Variants in RPS6 observed in about 807,000 individuals in gnomAD.
The protein encoded by RPS6 is small ribosomal subunit protein eS6.
A neutral mutation model predicts 27.1 loss-of-function variants in RPS6; 1 was observed. That is an observed-to-expected ratio of 0.04 (90% CI 0.01 to 0.18). RPS6 has a LOEUF of 0.18. Among genes scored for constraint, RPS6 ranks in the 10% least tolerant of loss-of-function variants. RPS6 has a pLI of 1.00. For missense variants in RPS6, 259 were observed against 319.1 expected (o/e 0.81, Z 1.44); for synonymous variants, 152 against 106.0 (o/e 1.43, Z -2.66).
chr9:19,379,400 G>C (rs762832684), intron 2 of RPS6, 87 bp downstream of exon 2: 5 of 1,577,018 alleles, frequency 3.2e-6, no homozygotes, highest in Admixed American at 3.7e-5. Context: ...GCCAGAACCC[G>C]GAGTCTGAAC....
Position 19,380,196 on chromosome 9 carries a change from C to A in RPS6, c.-1G>T. The A allele has an allele frequency of 6.2e-7, 1 of 1,614,168 alleles. No individual in the cohort carries two copies. The stretch of plus-strand genomic sequence containing the variant: ...ACTCGCCACCATCACCTACCTTCAT[C>A]TTGAAGCAGCTGAACGCCTCCGAGG... On this transcript the variant is annotated 5_prime_UTR_variant, in exon 1 of 6. Coordinates refer to ENST00000380394, the MANE Select transcript of RPS6 (RefSeq NM_001010.3).
Position 19,375,850 on chromosome 9 carries a change from T to G in RPS6, c.*443A>C, listed in dbSNP as rs566684166. 8.8e-6 allele frequency: 1 copy of G among 114,208 alleles called. No homozygotes were observed. Among genetic ancestry groups the G allele is most frequent in the East Asian group, 2.0e-4 (1 of 5,002 alleles). The allele number at this position is 114,208 out of a possible 1,614,324, so 7.1% of individuals were successfully genotyped here. ...AAACCATTTAGTGGATGGTATCCACTAAAACTAGGTATCCACTAAAACTAT... is the reference window on the plus strand; with the variant it reads ...AAACCATTTAGTGGATGGTATCCACGAAAACTAGGTATCCACTAAAACTAT... On this transcript the variant is annotated 3_prime_UTR_variant, in exon 6 of 6. Transcript: ENST00000380394.
intron 1 of RPS6, chr9:19,379,848 G>C (rs1328000207): frequency 7.0e-7 from 1 of 1,425,680 alleles, no homozygotes; most frequent in Admixed American, 2.9e-5. Context: ...ATGACTCTGG[G>C]GGCGAGGGCA....
At chr9:19,377,873 T>C (rs72700426) in intron 4 of RPS6, among the ~76,000 whole-genome samples, 29,614 of 152,162 alleles carry the variant, frequency 0.19, 5,175 homozygotes, top group African/African-American at 0.47. Context: ...AAAATAATTT[T>C]GGGCTGGGTG....
Position 19,378,423 on chromosome 9 carries a change from G to A in RPS6, c.441C>T (p.Leu147=). 2 of 1,613,778 alleles carry A rather than the reference G, an allele frequency of 1.2e-6. No homozygotes were observed. Among genetic ancestry groups the A allele is most frequent in the Non-Finnish European group, 1.7e-6 (2 of 1,180,014 alleles). The change falls in exon 4 of 6, where the codon CTC becomes CTT. Residue 147 remains leucine, a synonymous_variant. Transcript: ENST00000380394. The part of the protein sequence containing the change: ...RASRIRKLFN[L]SKEDDVRQYV... ...ACTGGCGGACATCATCTTCTTTAGAGAGATTGAAAAGTTTGCGGATTCTGC... is the reference window on the plus strand; with the variant it reads ...ACTGGCGGACATCATCTTCTTTAGAAAGATTGAAAAGTTTGCGGATTCTGC...
In RPS6 at chr9:19,378,720, T is replaced by C; in HGVS notation, c.337A>G (p.Ile113Val). The C allele has an allele frequency of 6.2e-7, 1 of 1,614,108 alleles. No homozygotes were observed. Among genetic ancestry groups the C allele is most frequent in the Middle Eastern group, 1.7e-4 (1 of 6,058 alleles). Residue 113 changes from isoleucine (I) to valine (V), a missense_variant, in exon 3 of 6, where the codon ATT becomes GTT. Physicochemically the swap from Ile to Val is conservative, Grantham distance 29. Transcript: ENST00000380394. ...AAGTAACCCTCACCTTTTTTTACAA[T>C]AACCAAGTTGAGAACGCTCAGATTT... ...DANLSVLNLV[I>V]VKKGEKDIPG...
Position 19,378,682 on chromosome 9 carries a change from G to A in RPS6, c.349+26C>T, listed in dbSNP as rs755892416. 21 of 1,609,764 alleles carry A rather than the reference G, an allele frequency of 1.3e-5. No individual in the cohort carries two copies. The Admixed American group carries it at 1.3e-4, about 10-fold the overall frequency. On this transcript the variant is annotated intron_variant, in intron 3 of 5. Coordinates refer to ENST00000380394, the MANE Select transcript of RPS6 (RefSeq NM_001010.3). Reference sequence around the variant, plus strand: ...CAACTGGCTTTAAATCAATTTCAACGAAAATTGAACACAAGTAACCCTCAC... The same window carrying A: ...CAACTGGCTTTAAATCAATTTCAACAAAAATTGAACACAAGTAACCCTCAC...
intron 1 of RPS6, 133 bp downstream of exon 1, chr9:19,380,057 G>C: frequency 6.3e-7 from 1 of 1,590,838 alleles, no homozygotes; most frequent in Admixed American, 1.8e-5. Context: ...CCAGAAAGGC[G>C]AGCCTTCTCC....
Position 19,379,975 on chromosome 9 carries a change from C to T in RPS6, c.6+215G>A. On this transcript the variant is annotated intron_variant, in intron 1 of 5. Transcript: ENST00000380394. ...TCCCGGCTGGGCGCGGGGACGCCACCATGGCGCTCCCGGCCCGCCGCGGCT... is the reference window on the plus strand; with the variant it reads ...TCCCGGCTGGGCGCGGGGACGCCACTATGGCGCTCCCGGCCCGCCGCGGCT... 5 of 1,449,396 alleles carry T rather than the reference C, an allele frequency of 3.4e-6. No homozygotes were observed. The South Asian group carries it at 5.8e-5, about 17-fold the overall frequency. 89.8% of individuals were successfully genotyped at this position (1,449,396 alleles called of 1,614,324 possible). A position where few individuals can be genotyped will look rare whatever the true frequency, so the allele number is the denominator to read the frequency against.
In RPS6 at chr9:19,378,855, A is replaced by G. The variant is rs1589013603; in HGVS notation, c.202T>C (p.Leu68=). 1 of 1,614,222 alleles carries G rather than the reference A, an allele frequency of 6.2e-7. No homozygotes were observed. Among genetic ancestry groups the G allele is most frequent in the Admixed American group, 1.7e-5 (1 of 60,014 alleles). ...AGCAGGCGGACACGGCCATGGGTCAAGACACCCTGCTTCATGGGGAAACCT... is the reference window on the plus strand; with the variant it reads ...AGCAGGCGGACACGGCCATGGGTCAGGACACCCTGCTTCATGGGGAAACCT... ...KQGFPMKQGV[L]THGRVRLLLS... Residue 68 remains leucine (L), a synonymous_variant, in exon 3 of 6, where the codon TTG becomes CTG. Transcript: ENST00000380394.
intron 4 of RPS6, among the ~76,000 whole-genome samples, chr9:19,377,023 G>A (rs773954692): frequency 4.6e-5 from 7 of 152,160 alleles, no homozygotes; most frequent in Non-Finnish European, 8.8e-5. Flanking sequence ...TAAATTTGAT[G>A]TAAGCTTGCA....
chr9:19,379,711 T>C (rs901538186), intron 1 of RPS6, 93 bp from the exon 2 acceptor site: 3 of 1,516,412 alleles, frequency 2.0e-6, no homozygotes, highest in Non-Finnish European at 2.6e-6. Flanking sequence ...CAAAAAGCCT[T>C]TCATGTTGCC....
Position 19,376,014 on chromosome 9 carries a change from TTCCC to T in RPS6, c.*275_*278del. The T allele has an allele frequency of 3.4e-6, 1 of 295,410 alleles. No individual in the cohort carries two copies. The highest frequency in any genetic ancestry group is 6.3e-6 in the Non-Finnish European group (1 of 158,742). 18.3% of individuals were successfully genotyped at this position (295,410 alleles called of 1,614,324 possible). Reference sequence around the variant, plus strand: ...AAAAAAGATTAATAGTCCTCATCATTTCCCCTAAGTTCCATGCCATTCTGAAGAG... The same window carrying T: ...AAAAAAGATTAATAGTCCTCATCATTCTAAGTTCCATGCCATTCTGAAGAG... On this transcript the variant is annotated 3_prime_UTR_variant, in exon 6 of 6. Transcript: ENST00000380394.
In RPS6 at chr9:19,376,308, T is replaced by C. The variant is rs759707353; in HGVS notation, c.735A>G (p.Glu245=). ...SSLRASTSKS[E]SSQK is the part of the protein sequence containing the mutation. Reference sequence around the variant, plus strand: ...TCAAAAAATCTTATTTCTGACTGGATTCAGACTTAGAAGTAGAAGCTCGCA... The same window carrying C: ...TCAAAAAATCTTATTTCTGACTGGACTCAGACTTAGAAGTAGAAGCTCGCA... Residue 245 remains glutamate (E), a synonymous_variant, in exon 6 of 6, where the codon GAA becomes GAG. Coordinates refer to ENST00000380394, the MANE Select transcript of RPS6 (RefSeq NM_001010.3). 1.2e-6 allele frequency: 2 copies of C among 1,613,240 alleles called. No individual in the cohort carries two copies. Among genetic ancestry groups the C allele is most frequent in the Non-Finnish European group, 1.7e-6 (2 of 1,179,720 alleles).
intron 4 of RPS6, among the ~76,000 whole-genome samples, chr9:19,377,611 C>T (rs1829610295): frequency 1.3e-5 from 2 of 152,182 alleles, no homozygotes; most frequent in African/African-American, 4.8e-5. Flanking sequence ...CCTTGACTGA[C>T]ATGCTGTTTA....
chr9:19,376,824 C>G, intron 4 of RPS6, 173 bp from the exon 5 acceptor site: 2 of 533,474 alleles, frequency 3.7e-6, no homozygotes, highest in East Asian at 6.4e-5. Flanking sequence ...CCACAGAAAT[C>G]TAGAAGATTG....
intron 4 of RPS6, among the ~76,000 whole-genome samples, chr9:19,377,074 C>T (rs1257610815): frequency 1.3e-5 from 2 of 152,162 alleles, no homozygotes; most frequent in South Asian, 4.1e-4. Flanking sequence ...TCAGGGGTAA[C>T]GTTAACTATT....
At chr9:19,378,615 T>C (rs1829627998) in intron 3 of RPS6, 93 bp downstream of exon 3, 1 of 1,570,132 alleles carries the variant, frequency 6.4e-7, no homozygotes, top group African/African-American at 1.4e-5. Context: ...ACAAATCCAT[T>C]GGTCTGTAAG....
In RPS6 at chr9:19,375,892, TTTAAA is replaced by T. The variant is rs1829566563; in HGVS notation, c.*396_*400del. On this transcript the variant is annotated 3_prime_UTR_variant, in exon 6 of 6. Coordinates refer to ENST00000380394, the MANE Select transcript of RPS6 (RefSeq NM_001010.3). ...TAAAACTATGCCTTAAAAGTTACCTTTTAAAAAAGACATGTTCATCTTCACAAGGT... is the reference window on the plus strand; with the variant it reads ...TAAAACTATGCCTTAAAAGTTACCTTAAAGACATGTTCATCTTCACAAGGT... 1.3e-5 allele frequency: 2 copies of T among 154,454 alleles called. No homozygotes were observed. Among genetic ancestry groups the T allele is most frequent in the Admixed American group, 1.3e-4 (2 of 15,626 alleles). 9.6% of individuals were successfully genotyped at this position (154,454 alleles called of 1,614,324 possible).
Sources: allele counts gnomAD v4.1 joint callset (sites outside exome capture counted in the v4.1 genomes callset), GRCh38; gene constraint gnomAD v4.1.1; transcripts MANE v1.5; gene names NCBI Gene and HGNC (gene_info 2026-07-23, HGNC 2026-07-21).